Variants in DHX36 observed in about 807,000 individuals in gnomAD.
The protein encoded by DHX36 is ATP-dependent DNA/RNA helicase DHX36.
A neutral mutation model predicts 139.0 loss-of-function variants in DHX36; 50 were observed. The observed-to-expected ratio is 0.36, with a 90% CI of 0.29 to 0.46. The LOEUF (loss-of-function observed/expected upper bound fraction) is 0.46, where lower values mean the gene tolerates loss of function less well. Ranked by LOEUF, DHX36 falls within the 20% of genes least tolerant of loss-of-function variation. The probability of loss-of-function intolerance (pLI) is 1.00; values close to 1 mark genes in which losing one functional copy is unlikely to be tolerated. For synonymous variants in DHX36, 425 were observed against 401.9 expected, an observed-to-expected ratio of 1.06 and a Z score of -0.69; for missense variants, 1,024 against 1,211.3, an observed-to-expected ratio of 0.85 and a Z score of 2.29.
At chr3:154,301,254 T>A in intron 9 of DHX36, 127 bp from the exon 10 acceptor site, 1 of 878,502 alleles carries the variant, frequency 1.1e-6, no homozygotes, top group Non-Finnish European at 1.7e-6. Flanking sequence ...TGCTTTCAAG[T>A]GAATGCTAGC....
At position 154,288,942 on chromosome 3, in the gene DHX36, G is replaced by T; in HGVS notation, c.1955C>A (p.Ala652Asp). The change falls in exon 17 of 25, where the codon GCT (alanine) becomes GAT (aspartate). Residue 652 changes from alanine (A) to aspartate (D), a missense_variant. By Grantham distance (126) the Ala-to-Asp change is moderately radical. Around this residue, in one of 4 missense-constraint regions of DHX36, gnomAD observed 470 missense variants for 616.2 expected, o/e 0.76. Coordinates refer to ENST00000496811, the MANE Select transcript of DHX36 (RefSeq NM_020865.3). ...QIKILRLGGI[A>D]YFLSRLMDPP... The stretch of plus-strand genomic sequence containing the variant: ...GTCCATTAATCTACTCAGAAAATAA[G>T]CAATTCCACCTAGCCTTAAAATCTA... The T allele has an allele frequency of 6.3e-7, 1 of 1,576,714 alleles. No individual in the cohort carries two copies. The highest frequency in any genetic ancestry group is 1.2e-5 in the South Asian group (1 of 83,190).
rs982460417 is a variant in DHX36, at chr3:154,324,113, A to G, written c.243+61T>C. On this transcript the variant is annotated intron_variant, in intron 1 of 24. Coordinates refer to ENST00000496811, the MANE Select transcript of DHX36 (RefSeq NM_020865.3). ...GAAACAAAACCAAGAAAAAGGGGGC[A>G]GCGGGAGAGAGAAGAAAACCTGTGC... 6 of 1,502,498 alleles carry G rather than the reference A, an allele frequency of 4.0e-6. No homozygotes were observed. In the African/African-American group the frequency reaches 8.4e-5, roughly 21 times the overall value. 93.1% of individuals were successfully genotyped at this position (1,502,498 alleles called of 1,614,324 possible). A position where few individuals can be genotyped will look rare whatever the true frequency, so the allele number is the denominator to read the frequency against.
In DHX36 at chr3:154,273,479, A is replaced by G. The variant is rs1228177834; in HGVS notation, c.*2692T>C. ...CTTTCTTCCAAGACCATTTTGGCCA[A>G]CTGACTGGATTTAAACTGGATAATA... is the stretch of plus-strand genomic sequence containing the variant. On this transcript the variant is annotated 3_prime_UTR_variant, in exon 25 of 25. Transcript: ENST00000496811. 1 of 152,170 alleles carries G rather than the reference A, an allele frequency of 6.6e-6. No homozygotes were observed. The highest frequency in any genetic ancestry group is 1.5e-5 in the Non-Finnish European group (1 of 68,034). The allele number at this position is 152,170 out of a possible 1,614,324, so 9.4% of individuals were successfully genotyped here.
chr3:154,302,480 T>C (rs542119074), intron 9 of DHX36, among the ~76,000 whole-genome samples: 1 of 152,276 alleles, frequency 6.6e-6, no homozygotes, highest in East Asian at 1.9e-4. Flanking sequence ...TGAGAAATGT[T>C]AGGTTCAAGG....
intron 15 of DHX36, among the ~76,000 whole-genome samples, chr3:154,291,430 C>A (rs1711808203): frequency 2.6e-5 from 4 of 152,174 alleles, no homozygotes. Context: ...ATGGTGAATA[C>A]TTTTTGAATC....
At chr3:154,323,252 T>C (rs934067060) in intron 1 of DHX36, among the ~76,000 whole-genome samples, 10 of 152,036 alleles carry the variant, frequency 6.6e-5, no homozygotes, top group Non-Finnish European at 1.5e-4. Context: ...GGAGAATCGC[T>C]TGAACTTGGG....
At position 154,314,871 on chromosome 3, in the gene DHX36, T is replaced by C. The variant is rs923125028; in HGVS notation, c.603+175A>G. On this transcript the variant is annotated intron_variant, in intron 3 of 24. Coordinates refer to ENST00000496811, the MANE Select transcript of DHX36 (RefSeq NM_020865.3). Reference sequence around the variant, plus strand: ...ATGAGATAGGATACTGTAGGTTATGTGTAACTTCCATTCCCACTGCTTTTC... The same window carrying C: ...ATGAGATAGGATACTGTAGGTTATGCGTAACTTCCATTCCCACTGCTTTTC... The C allele has an allele frequency of 5.3e-6, 3 of 571,156 alleles. No homozygotes were observed. The African/African-American group carries it at 5.7e-5, about 11-fold the overall frequency. 35.4% of individuals were successfully genotyped at this position (571,156 alleles called of 1,614,324 possible).
At chr3:154,311,327 A>G (rs894482711) in intron 4 of DHX36, among the ~76,000 whole-genome samples, 5 of 152,048 alleles carry the variant, frequency 3.3e-5, no homozygotes, top group Admixed American at 2.0e-4. Context: ...TTTGTATATT[A>G]TTTTTAACTG....
At chr3:154,301,167 A>C (rs753464632) in intron 9 of DHX36, 40 bp from the exon 10 acceptor site, 9 of 1,542,074 alleles carry the variant, frequency 5.8e-6, no homozygotes, top group Non-Finnish European at 7.8e-6. Flanking sequence ...ACTTTTTTGA[A>C]ACTCTAGTTT....
intron 3 of DHX36, among the ~76,000 whole-genome samples, chr3:154,313,524 A>G (rs1402598523): frequency 1.3e-5 from 2 of 152,076 alleles, no homozygotes; most frequent in Non-Finnish European, 2.9e-5. Context: ...TACAAAAAAT[A>G]CAAAAATTAA....
At chr3:154,317,637 G>A (rs1713035125) in intron 1 of DHX36, among the ~76,000 whole-genome samples, 1 of 152,074 alleles carries the variant, frequency 6.6e-6, no homozygotes, top group African/African-American at 2.4e-5. Context: ...CGTAAGTAAG[G>A]CAGAGAACTG....
chr3:154,278,633 C>G (rs2108330344), intron 22 of DHX36: 1 of 152,118 alleles, frequency 6.6e-6, no homozygotes, highest in Non-Finnish European at 1.5e-5. Context: ...TGTGCCACCA[C>G]CATACCCAAT....
In DHX36 at chr3:154,273,244, G is replaced by A. The variant is rs1320552865; in HGVS notation, c.*2927C>T. ...CCCTATTTTGTAAACAAAAGAAACAGAATGTAAGTAGCACCTTGGATTAAA... is the reference window on the plus strand; with the variant it reads ...CCCTATTTTGTAAACAAAAGAAACAAAATGTAAGTAGCACCTTGGATTAAA... On this transcript the variant is annotated 3_prime_UTR_variant, in exon 25 of 25. Coordinates refer to ENST00000496811, the MANE Select transcript of DHX36 (RefSeq NM_020865.3). 1 of 152,054 alleles carries A rather than the reference G, an allele frequency of 6.6e-6. No homozygotes were observed. Among genetic ancestry groups the A allele is most frequent in the East Asian group, 1.9e-4 (1 of 5,196 alleles). The allele number at this position is 152,054 out of a possible 1,614,324, so 9.4% of individuals were successfully genotyped here.
chr3:154,306,035 G>A (rs1033392004), intron 6 of DHX36, among the ~76,000 whole-genome samples, 181 bp downstream of exon 6: 2 of 152,120 alleles, frequency 1.3e-5, no homozygotes, highest in African/African-American at 2.4e-5. Context: ...GGCAATACAA[G>A]TCTGATGTGG....
chr3:154,323,966 A>T (rs947757366), intron 1 of DHX36, among the ~76,000 whole-genome samples: 4 of 152,228 alleles, frequency 2.6e-5, no homozygotes, highest in Admixed American at 1.3e-4. Flanking sequence ...AGCCTGCATA[A>T]ATCCTGCCTG....
intron 1 of DHX36, among the ~76,000 whole-genome samples, chr3:154,320,786 C>T (rs997408006): frequency 1.3e-5 from 2 of 152,164 alleles, no homozygotes; most frequent in African/African-American, 2.4e-5. Context: ...CCACTGCCAA[C>T]GTGCTAATTC....
chr3:154,276,989 A>G (rs866299469), intron 23 of DHX36, 90 bp from the exon 24 acceptor site: 1 of 1,098,746 alleles, frequency 9.1e-7, no homozygotes, highest in Middle Eastern at 2.8e-4. Flanking sequence ...TTAATTAATG[A>G]GTATCTTCCT....
chr3:154,276,810 T>G lies in DHX36; in HGVS notation c.2778A>C (p.Glu926Asp). Reference protein sequence around the residue: ...DISIQKDNDQETIAVDEWIVF... With the variant: ...DISIQKDNDQDTIAVDEWIVF... ...CAATCCACTCATCTACAGCAATAGT[T>G]TCCTGATCGTTATCCTTCTGGATGG... is the stretch of plus-strand genomic sequence containing the variant. The change falls in exon 24 of 25, where the codon GAA becomes GAC. Residue 926 changes from glutamate (E) to aspartate (D), a missense_variant. Physicochemically the swap from Glu to Asp is conservative, Grantham distance 45 (BLOSUM62 2). Coordinates refer to ENST00000496811, the MANE Select transcript of DHX36 (RefSeq NM_020865.3). 1 of 1,614,002 alleles carries G rather than the reference T, an allele frequency of 6.2e-7. No homozygotes were observed. Among genetic ancestry groups the G allele is most frequent in the South Asian group, 1.1e-5 (1 of 91,070 alleles).
At chr3:154,276,923 T>G (rs1382381710) in intron 23 of DHX36, 24 bp from the exon 24 acceptor site, 6 of 1,596,766 alleles carry the variant, frequency 3.8e-6, no homozygotes, top group Non-Finnish European at 5.1e-6. Flanking sequence ...TAAAGTGAAT[T>G]AATACATTCA....
Sources: gnomAD v4.1 joint callset for allele counts (sites outside exome capture counted in the v4.1 genomes callset) on GRCh38, gnomAD v4.1.1 for gene constraint, gnomAD v4.1.1 regional missense constraint, MANE v1.5 for transcripts, NCBI Gene and HGNC (gene_info 2026-07-23, HGNC 2026-07-21) for gene names.